The following APBB2 variants were observed in gnomAD, a reference collection of about 807,000 sequenced individuals.
APBB2 encodes the protein amyloid beta precursor protein binding family B member 2.
Under a neutral mutation model 82.5 loss-of-function variants are expected in APBB2, and 38 were observed. The ratio of observed to expected loss-of-function variants is 0.46; its 90% CI spans 0.36 to 0.60. The LOEUF is 0.60. Among genes scored for constraint, APBB2 ranks in the 20% least tolerant of loss-of-function variants. The pLI is 0.00. For missense variants in APBB2, 772 were observed against 972.3 expected, an observed-to-expected ratio of 0.79 and a Z score of 2.74; for synonymous variants, 341 against 368.2, an observed-to-expected ratio of 0.93 and a Z score of 0.85.
At chr4:41,086,336 C>A (rs1002920293) in intron 3 of APBB2, among the ~76,000 whole-genome samples, 2 of 152,020 alleles carry the variant, frequency 1.3e-5, no homozygotes, top group Non-Finnish European at 2.9e-5. Flanking sequence ...ACCCTGATAC[C>A]AAAGAAAAAC....
intron 1 of APBB2, among the ~76,000 whole-genome samples, chr4:41,192,021 A>G (rs1344826668): frequency 6.6e-6 from 1 of 152,248 alleles, no homozygotes; most frequent in Non-Finnish European, 1.5e-5. Context: ...CAACAGATAT[A>G]TGAAAAGAAA....
rs545771368 is a variant in APBB2 at position 40,881,090 on chromosome 4, G to A, written c.1529+9274C>T. 5.1e-5 allele frequency: 50 copies of A among 985,424 alleles called. 1 individual carries two copies. The Middle Eastern group carries it at 1.6e-3, about 31-fold the overall frequency. 61.0% of individuals were successfully genotyped at this position (985,424 alleles called of 1,614,324 possible). On this transcript the variant is annotated intron_variant, in intron 12 of 17. Coordinates refer to ENST00000508593, the MANE Select transcript of APBB2 (RefSeq NM_004307.2). Reference sequence around the variant, plus strand: ...ATCATGATTAATGGAAGGCAGAGAAGCCACTTTTAAAGAGATAAAATAGAA... The same window carrying A: ...ATCATGATTAATGGAAGGCAGAGAAACCACTTTTAAAGAGATAAAATAGAA...
chr4:40,896,353 G>A (rs934539856), intron 10 of APBB2, among the ~76,000 whole-genome samples: 1 of 152,206 alleles, frequency 6.6e-6, no homozygotes, highest in East Asian at 1.9e-4. Flanking sequence ...GTAAGCCACC[G>A]CACCCAGAAC....
intron 10 of APBB2, among the ~76,000 whole-genome samples, chr4:40,914,055 G>A (rs897788186): frequency 6.6e-6 from 1 of 152,080 alleles, no homozygotes; most frequent in African/African-American, 2.4e-5. Flanking sequence ...GGCCAACACG[G>A]TGAAACCCCA....
intron 1 of APBB2, among the ~76,000 whole-genome samples, chr4:41,181,545 A>G (rs545502073): frequency 6.6e-6 from 1 of 152,322 alleles, no homozygotes; most frequent in South Asian, 2.1e-4. Context: ...TTCTTCCCTT[A>G]TGACTTCATG....
At chr4:40,909,053 G>A (rs1430820975) in intron 10 of APBB2, among the ~76,000 whole-genome samples, 1 of 152,194 alleles carries the variant, frequency 6.6e-6, no homozygotes, top group Non-Finnish European at 1.5e-5. Flanking sequence ...CTGCAGAGGA[G>A]CCCAGTGTGG....
chr4:40,830,368 G>A, intron 13 of APBB2, 95 bp downstream of exon 13: 2 of 793,894 alleles, frequency 2.5e-6, no homozygotes, highest in Non-Finnish European at 4.4e-6. Context: ...GAGCTCAACT[G>A]CAGGTTGATG....
intron 7 of APBB2, among the ~76,000 whole-genome samples, chr4:40,943,941 G>A (rs1001658457): frequency 6.6e-6 from 1 of 152,242 alleles, no homozygotes; most frequent in African/African-American, 2.4e-5. Flanking sequence ...TCCCAGAGAA[G>A]AACAAGTACA....
intron 1 of APBB2, among the ~76,000 whole-genome samples, chr4:41,196,069 G>T: frequency 2.6e-5 from 4 of 151,982 alleles, no homozygotes; most frequent in African/African-American, 9.7e-5. Flanking sequence ...TGAGGCAAGA[G>T]AATGGCGTGA....
intron 2 of APBB2, among the ~76,000 whole-genome samples, chr4:41,129,088 C>T (rs373106623): frequency 1.3e-5 from 2 of 152,150 alleles, no homozygotes; most frequent in African/African-American, 2.4e-5. Context: ...CCTCTCCATT[C>T]CCACCACAAT....
At chr4:41,097,876 G>A (rs751967676) in intron 3 of APBB2, among the ~76,000 whole-genome samples, 5 of 152,154 alleles carry the variant, frequency 3.3e-5, no homozygotes, top group African/African-American at 4.8e-5. Flanking sequence ...CTAGGGTTCT[G>A]AATTTTCTCT....
At chr4:41,177,273 A>AG (rs1770082011) in intron 1 of APBB2, among the ~76,000 whole-genome samples, 1 of 152,132 alleles carries the variant, frequency 6.6e-6, no homozygotes, top group Non-Finnish European at 1.5e-5. Context: ...GGCAAACAAG[A>AG]TCTACCACAG....
At chr4:40,998,856 C>T (rs1413943316) in intron 6 of APBB2, among the ~76,000 whole-genome samples, 3 of 152,114 alleles carry the variant, frequency 2.0e-5, no homozygotes, top group South Asian at 2.1e-4. Flanking sequence ...AAGCAACTCA[C>T]AGGTCGGTTT....
At chr4:40,977,390 G>GGTT (rs1163174152) in intron 6 of APBB2, among the ~76,000 whole-genome samples, 5 of 150,116 alleles carry the variant, frequency 3.3e-5, no homozygotes, top group Non-Finnish European at 7.4e-5. Flanking sequence ...TCAGCTCACT[G>GGTT]CAATCTCCAA....
At chr4:41,147,984 TA>T (rs1431198746) in intron 1 of APBB2, among the ~76,000 whole-genome samples, 3 of 152,160 alleles carry the variant, frequency 2.0e-5, no homozygotes, top group African/African-American at 7.2e-5. Context: ...ATTTTTATTA[TA>T]AAAATTAGAT....
intron 3 of APBB2, 104 bp downstream of exon 3, chr4:41,100,535 T>G (rs1198207605): frequency 6.6e-6 from 1 of 152,152 alleles, no homozygotes; most frequent in Admixed American, 6.5e-5. Flanking sequence ...CATATAAAAT[T>G]TATTAAGCCA....
intron 10 of APBB2, among the ~76,000 whole-genome samples, chr4:40,926,992 G>A (rs1206236875): frequency 6.6e-6 from 1 of 152,202 alleles, no homozygotes; most frequent in East Asian, 1.9e-4. Context: ...GGTTCATGGC[G>A]CTCTCTCTTT....
intron 6 of APBB2, among the ~76,000 whole-genome samples, chr4:40,991,288 A>G (rs1802028533): frequency 6.8e-6 from 1 of 146,918 alleles, no homozygotes; most frequent in African/African-American, 2.5e-5. Context: ...AAGTGCTAGG[A>G]TTACAGGTGT....
At chr4:40,951,953 AG>A (rs149141299) in intron 6 of APBB2, among the ~76,000 whole-genome samples, 4 of 152,000 alleles carry the variant, frequency 2.6e-5, no homozygotes, top group African/African-American at 4.8e-5. Flanking sequence ...TGAGAGGCCA[AG>A]GGGGGGTGGA....
Sources: gnomAD v4.1 joint callset for allele counts (sites outside exome capture counted in the v4.1 genomes callset) on GRCh38, gnomAD v4.1.1 for gene constraint, MANE v1.5 for transcripts, NCBI Gene and HGNC (gene_info 2026-07-23, HGNC 2026-07-21) for gene names.